ADPRHL1: variants seen among roughly 807,000 people sequenced by gnomAD.
The protein encoded by ADPRHL1 is inactive ADP-ribosyltransferase ARH2.
In ADPRHL1, 43 loss-of-function variants were observed where a neutral mutation model predicts 44.1. The ratio of observed to expected loss-of-function variants is 0.98; its 90% confidence interval spans 0.76 to 1.26. The LOEUF (loss-of-function observed/expected upper bound fraction) is 1.26. ADPRHL1 is among the 50% of genes most tolerant of loss of function. ADPRHL1 has a pLI of 0.00. For missense variants in ADPRHL1, 2,022 were observed against 2,496.9 expected (o/e 0.81, Z 4.05); for synonymous variants, 878 against 1,017.4 (o/e 0.86, Z 2.61).
At chr13:113,426,017 A>C (rs926427155) in intron 4 of ADPRHL1, among the ~76,000 whole-genome samples, 3 of 152,192 alleles carry the variant, frequency 2.0e-5, no homozygotes, top group Non-Finnish European at 2.9e-5. Context: ...CAAGATGGAG[A>C]TGGGGCAAAA....
Position 113,409,849 on chromosome 13 carries a change from A to G in ADPRHL1, c.1062-1629T>C. On this transcript the variant is annotated intron_variant, in intron 7 of 7. Coordinates refer to ENST00000612156, the MANE Select transcript of ADPRHL1 (RefSeq NM_001394807.1). This position sits in a 1 kb window ranked among gnomAD's most constrained non-coding sequence, Gnocchi z 4.2. ...GCTTGCAGTGAGCCGAGATCGCACC[A>G]CTGCACTCCAGCCTGAGCGACAGAG... is the stretch of plus-strand genomic sequence containing the variant. 5.9e-6 allele frequency: 5 copies of G among 854,158 alleles called. No homozygotes were observed. In the South Asian group the frequency reaches 2.7e-4, roughly 46 times the overall value. 52.9% of individuals were successfully genotyped at this position (854,158 alleles called of 1,614,324 possible).
chr13:113,406,792 A>G lies in ADPRHL1; in HGVS notation c.2490T>C (p.Ala830=), dbSNP rs2043812546. 2 of 1,231,900 alleles carry G rather than the reference A, an allele frequency of 1.6e-6. No individual in the cohort carries two copies. Among genetic ancestry groups the G allele is most frequent in the Admixed American group, 4.2e-5 (1 of 23,702 alleles). The allele number at this position is 1,231,900 out of a possible 1,614,324, so 76.3% of individuals were successfully genotyped here. A position where few individuals can be genotyped will look rare whatever the true frequency, so the allele number is the denominator to read the frequency against. The part of the protein sequence containing the change: ...IPPLNAPSVQ[A]ARRTQPATEP... ...CCGTGGCAGGCTGTGTTCTCCGAGC[A>G]GCCTGGACCGATGGAGCGTTCAGGG... Residue 830 remains alanine, a synonymous_variant, in exon 8 of 8, where the codon GCT becomes GCC. Transcript: ENST00000612156.
At position 113,409,577 on chromosome 13, in the gene ADPRHL1, T is replaced by A; in HGVS notation, c.1062-1357A>T. On this transcript the variant is annotated intron_variant, in intron 7 of 7. Coordinates refer to ENST00000612156, the MANE Select transcript of ADPRHL1 (RefSeq NM_001394807.1). The surrounding 1 kb of genome is among the most constrained non-coding windows in gnomAD (Gnocchi z 4.2). ...GTGGTGCCAAGTGAAAAGCTCACTC[T>A]AACCCGATTGTTTTTAAGAAGCTGA... The A allele has an allele frequency of 1.0e-6, 1 of 985,394 alleles. No individual in the cohort carries two copies. The highest frequency in any genetic ancestry group is 1.2e-6 in the Non-Finnish European group (1 of 829,932). The allele number at this position is 985,394 out of a possible 1,614,324, so 61.0% of individuals were successfully genotyped here.
At chr13:113,428,832 C>G in intron 4 of ADPRHL1, 120 bp downstream of exon 4, 1 of 1,470,818 alleles carries the variant, frequency 6.8e-7, no homozygotes. Flanking sequence ...ATGGCCCGGA[C>G]AGGGCCCTCC....
At chr13:113,445,249 C>T (rs957525530) in intron 1 of ADPRHL1, among the ~76,000 whole-genome samples, 10 of 152,258 alleles carry the variant, frequency 6.6e-5, no homozygotes, top group Admixed American at 1.3e-4. Flanking sequence ...AGGGCTAGTT[C>T]TTATTTGCCA....
intron 7 of ADPRHL1, among the ~76,000 whole-genome samples, chr13:113,411,055 G>A (rs1212944211): frequency 6.6e-6 from 1 of 152,202 alleles, no homozygotes; most frequent in African/African-American, 2.4e-5. Flanking sequence ...ACTGCTTGTG[G>A]TGGGGACATT....
intron 2 of ADPRHL1, among the ~76,000 whole-genome samples, chr13:113,440,823 G>A (rs2044091758): frequency 6.6e-6 from 1 of 152,174 alleles, no homozygotes; most frequent in African/African-American, 2.4e-5. Context: ...AAGTGCAACA[G>A]GAGATTTTTG....
At chr13:113,445,435 TG>T (rs2044129550) in intron 1 of ADPRHL1, among the ~76,000 whole-genome samples, 1 of 152,382 alleles carries the variant, frequency 6.6e-6, no homozygotes, top group African/African-American at 2.4e-5. Flanking sequence ...GGACAGGCTG[TG>T]GCAGGCGGAT....
chr13:113,415,768 A>AG (rs958016199), intron 7 of ADPRHL1, among the ~76,000 whole-genome samples: 4 of 150,202 alleles, frequency 2.7e-5, no homozygotes, highest in Admixed American at 1.3e-4. Flanking sequence ...AAAAAAAAAA[A>AG]AAAGAGAGAG....
intron 1 of ADPRHL1, among the ~76,000 whole-genome samples, chr13:113,450,421 G>A (rs1223888240): frequency 1.3e-5 from 2 of 152,214 alleles, no homozygotes; most frequent in Non-Finnish European, 2.9e-5. Flanking sequence ...AGTGACGAGA[G>A]AGTGTAGAAA....
At chr13:113,425,439 C>T (rs1355468731) in intron 4 of ADPRHL1, among the ~76,000 whole-genome samples, 2 of 152,192 alleles carry the variant, frequency 1.3e-5, no homozygotes, top group African/African-American at 4.8e-5. Flanking sequence ...GTCTCCCTCT[C>T]GTCCCCCAGG....
chr13:113,433,042 C>T (rs1456885255), intron 3 of ADPRHL1, among the ~76,000 whole-genome samples: 1 of 152,232 alleles, frequency 6.6e-6, no homozygotes, highest in Non-Finnish European at 1.5e-5. Context: ...CAGTGAGCAG[C>T]TGGCCAGCTG....
rs1220785516 is a variant in ADPRHL1 at position 113,424,242 on chromosome 13, C to A, written c.882G>T (p.Leu294=). ...LLAAGNSWTE[L]CHRAMFHGGE... Reference sequence around the variant, plus strand: ...CTCCATGAAACATGGCCCGGTGACACAGCTCAGTCCAGCTGTTTCCTGCTG... The same window carrying A: ...CTCCATGAAACATGGCCCGGTGACAAAGCTCAGTCCAGCTGTTTCCTGCTG... The change falls in exon 6 of 8, where the codon CTG becomes CTT. Residue 294 remains leucine (L), a synonymous_variant. Coordinates refer to ENST00000612156, the MANE Select transcript of ADPRHL1 (RefSeq NM_001394807.1). 1 of 1,612,872 alleles carries A rather than the reference C, an allele frequency of 6.2e-7. No individual in the cohort carries two copies. Among genetic ancestry groups the A allele is most frequent in the Non-Finnish European group, 8.5e-7 (1 of 1,179,870 alleles).
In ADPRHL1 at chr13:113,413,147, A is replaced by T. The variant is rs146590281; in HGVS notation, c.1062-4927T>A. Among the ~76,000 whole-genome samples, 682 of 147,796 alleles carry T rather than the reference A, an allele frequency of 4.6e-3. 18 individuals carry two copies. Among genetic ancestry groups the T allele is most frequent in the South Asian group, 0.025 (110 of 4,486 alleles). On this transcript the variant is annotated intron_variant, in intron 7 of 7. Coordinates refer to ENST00000612156, the MANE Select transcript of ADPRHL1 (RefSeq NM_001394807.1). ...GCTCCTCGCAGAGCTCGGTTCACCC[A>T]CCGCCAACAGCGCCTCGCAGAACTC...
At chr13:113,418,773 T>C (rs1265936583) in intron 7 of ADPRHL1, among the ~76,000 whole-genome samples, 1 of 152,072 alleles carries the variant, frequency 6.6e-6, no homozygotes, top group Non-Finnish European at 1.5e-5. Context: ...ATGGGCATAT[T>C]CTGGACCCCA....
At chr13:113,410,165 C>A in intron 7 of ADPRHL1, 1 of 980,236 alleles carries the variant, frequency 1.0e-6, no homozygotes, top group Non-Finnish European at 1.2e-6. Context: ...GTGGCAGGGC[C>A]GCAGATGGAA....
chr13:113,417,581 C>T (rs2043893161), intron 7 of ADPRHL1, among the ~76,000 whole-genome samples: 1 of 152,256 alleles, frequency 6.6e-6, no homozygotes, highest in African/African-American at 2.4e-5. Flanking sequence ...CTTTGTCTGT[C>T]TCAGCCCTTG....
chr13:113,432,276 G>A (rs954690348), intron 3 of ADPRHL1, among the ~76,000 whole-genome samples: 1 of 151,942 alleles, frequency 6.6e-6, no homozygotes, highest in Non-Finnish European at 1.5e-5. Context: ...CGTCATGCCT[G>A]GCTAATTTTT....
Position 113,406,423 on chromosome 13 carries a change from A to G in ADPRHL1, c.2859T>C (p.Ala953=). Reference sequence around the variant, plus strand: ...AGCTGCCTTTGTTTTCCTTCCCGCCAGCAGGATCTGTCTGGAGTCTCTGTG... The same window carrying G: ...AGCTGCCTTTGTTTTCCTTCCCGCCGGCAGGATCTGTCTGGAGTCTCTGTG... ...LLTQRLQTDP[A]GGKENKGSFE... Residue 953 remains alanine (A), a synonymous_variant, in exon 8 of 8, where the codon GCT becomes GCC. Coordinates refer to ENST00000612156, the MANE Select transcript of ADPRHL1 (RefSeq NM_001394807.1). 1 of 1,232,046 alleles carries G rather than the reference A, an allele frequency of 8.1e-7. No homozygotes were observed. Among genetic ancestry groups the G allele is most frequent in the Non-Finnish European group, 1.0e-6 (1 of 987,974 alleles). The allele number at this position is 1,232,046 out of a possible 1,614,324, so 76.3% of individuals were successfully genotyped here.
Sources: gnomAD v4.1 joint callset for allele counts (sites outside exome capture counted in the v4.1 genomes callset) on GRCh38, gnomAD v4.1.1 for gene constraint, Gnocchi (gnomAD v3.1) non-coding constraint, MANE v1.5 for transcripts, NCBI Gene and HGNC (gene_info 2026-07-23, HGNC 2026-07-21) for gene names.